The following RAD51B variants were observed in gnomAD, a reference collection of about 807,000 sequenced individuals.
RAD51B encodes DNA repair protein RAD51 homolog 2.
RAD51B carries 38 observed loss-of-function variants against 42.2 expected under a neutral mutation model. The observed-to-expected ratio is 0.90, with a 90% CI of 0.70 to 1.18. RAD51B has a LOEUF of 1.18. Ranked by LOEUF, RAD51B falls within the 50% of genes most tolerant of loss-of-function variation. The pLI is 0.00. For synonymous variants in RAD51B, 154 were observed against 145.2 expected (o/e 1.06, Z -0.43); for missense variants, 373 against 400.7 (o/e 0.93, Z 0.59).
At chr14:67,926,860 C>T (rs942625956) in intron 7 of RAD51B, among the ~76,000 whole-genome samples, 9 of 152,068 alleles carry the variant, frequency 5.9e-5, no homozygotes, top group African/African-American at 9.7e-5. Flanking sequence ...CCACGCCTGG[C>T]GGAGATATGT....
At chr14:68,482,176 G>GGGGTGTGTGT (rs148913511), downstream of RAD51B, among the ~76,000 whole-genome samples, 61 of 149,912 alleles carry the variant, frequency 4.1e-4, no homozygotes, top group African/African-American at 5.2e-4. Flanking sequence ...ATATTTTAGG[G>GGGGTGTGTGT]GTGTGTGTGT....
At chr14:68,183,095 G>T (rs2079085799) in intron 7 of RAD51B, among the ~76,000 whole-genome samples, 1 of 152,174 alleles carries the variant, frequency 6.6e-6, no homozygotes, top group Admixed American at 6.5e-5. Context: ...TAACAGGATA[G>T]ATGAATATAT....
At chr14:68,650,754 C>A in intron 10 of RAD51B, 1 of 745,892 alleles carries the variant, frequency 1.3e-6, no homozygotes, top group South Asian at 1.4e-5. Flanking sequence ...AGGTTCCTTA[C>A]AACCTATTTA....
intron 7 of RAD51B, among the ~76,000 whole-genome samples, chr14:68,266,523 G>A (rs974013823): frequency 1.3e-5 from 2 of 152,260 alleles, no homozygotes; most frequent in African/African-American, 4.8e-5. Flanking sequence ...GAGAAGGTCA[G>A]AGAGTGACCT....
At chr14:68,403,210 CAGG>C (rs1171663967) in intron 8 of RAD51B, among the ~76,000 whole-genome samples, 1 of 152,138 alleles carries the variant, frequency 6.6e-6, no homozygotes, top group East Asian at 1.9e-4. Flanking sequence ...CTTTCATCTG[CAGG>C]GACTGGAGGG....
At position 68,324,027 on chromosome 14, in the gene RAD51B, G is replaced by T. The variant is rs146071532; in HGVS notation, c.853+32047G>T. Among the ~76,000 whole-genome samples the T allele has an allele frequency of 3.1e-3, 466 of 152,298 alleles. 2 individuals carry two copies. The highest frequency in any genetic ancestry group is 0.011 in the African/African-American group (437 of 41,560). On this transcript the variant is annotated intron_variant, in intron 8 of 10. Coordinates refer to ENST00000471583, the MANE Select transcript of RAD51B (RefSeq NM_133510.4). ...AGTAGGAAAGAAGCTGAGAATAAAA[G>T]CTAAGACAGGTACCTCCAATCTCTA...
At chr14:68,607,492 C>T (rs1040499706) in intron 10 of RAD51B, among the ~76,000 whole-genome samples, 6 of 152,212 alleles carry the variant, frequency 3.9e-5, no homozygotes. Context: ...AGACCCCTCC[C>T]TTGCCAGCCC....
At chr14:68,201,195 C>A (rs188870658) in intron 7 of RAD51B, among the ~76,000 whole-genome samples, 1 of 151,922 alleles carries the variant, frequency 6.6e-6, no homozygotes, top group Non-Finnish European at 1.5e-5. Flanking sequence ...ACTTTAAAAG[C>A]GTGTATGTAA....
intron 7 of RAD51B, among the ~76,000 whole-genome samples, chr14:68,229,060 G>T (rs879853069): frequency 1.3e-5 from 2 of 152,132 alleles, no homozygotes; most frequent in Non-Finnish European, 2.9e-5. Context: ...TTCAGTATTC[G>T]TGGAACAGCT....
At chr14:68,482,221 A>C (rs1283980289), downstream of RAD51B, among the ~76,000 whole-genome samples, 1 of 136,926 alleles carries the variant, frequency 7.3e-6, no homozygotes, top group Non-Finnish European at 1.6e-5. Context: ...ATCAAAGTTC[A>C]ACTTTGTCTC....
At chr14:68,222,990 C>T (rs146194258) in intron 7 of RAD51B, among the ~76,000 whole-genome samples, 2 of 152,284 alleles carry the variant, frequency 1.3e-5, no homozygotes, top group East Asian at 3.9e-4. Context: ...AGCTCCAGCC[C>T]CACGTGTCCA....
At chr14:68,205,977 T>G (rs759817922) in intron 7 of RAD51B, among the ~76,000 whole-genome samples, 1 of 152,194 alleles carries the variant, frequency 6.6e-6, no homozygotes, top group African/African-American at 2.4e-5. Flanking sequence ...TACAATAGTG[T>G]TGTTTATAGC....
chr14:68,185,105 T>A (rs552128790), intron 7 of RAD51B, among the ~76,000 whole-genome samples: 2 of 152,266 alleles, frequency 1.3e-5, no homozygotes, highest in South Asian at 4.1e-4. Context: ...CCTTTTGTAT[T>A]TACTACTTCA....
intron 9 of RAD51B, among the ~76,000 whole-genome samples, chr14:68,431,494 C>A (rs1015397967): frequency 6.6e-6 from 1 of 152,116 alleles, no homozygotes; most frequent in Non-Finnish European, 1.5e-5. Flanking sequence ...GTGTATGTGT[C>A]CAGAAATTCA....
At chr14:68,629,183 C>G (rs1892167293) in intron 10 of RAD51B, among the ~76,000 whole-genome samples, 1 of 152,132 alleles carries the variant, frequency 6.6e-6, no homozygotes, top group Admixed American at 6.5e-5. Context: ...GGACATTGTT[C>G]AAACAAAAGT....
chr14:68,678,588 G>A (rs753285601), intron 11 of RAD51B, among the ~76,000 whole-genome samples: 7 of 152,166 alleles, frequency 4.6e-5, no homozygotes, highest in Non-Finnish European at 1.0e-4. Context: ...TGGGAAGTAG[G>A]GGGGTGGCTG....
chr14:68,669,973 G>A (rs1194011041), intron 11 of RAD51B, among the ~76,000 whole-genome samples: 2 of 152,188 alleles, frequency 1.3e-5, no homozygotes, highest in East Asian at 1.9e-4. Context: ...CTGGTGGGGG[G>A]CTCAGATTAA....
chr14:67,944,673 A>G (rs1388166229), intron 7 of RAD51B, among the ~76,000 whole-genome samples: 1 of 152,196 alleles, frequency 6.6e-6, no homozygotes, highest in Non-Finnish European at 1.5e-5. Flanking sequence ...TAAATAAACT[A>G]TATCAGAGAT....
intron 7 of RAD51B, among the ~76,000 whole-genome samples, chr14:68,124,034 G>A (rs2077705926): frequency 1.3e-5 from 2 of 152,148 alleles, no homozygotes. Context: ...AGAGACCTAG[G>A]ATGTGCTATT....
Sources: gnomAD v4.1 joint callset for allele counts (sites outside exome capture counted in the v4.1 genomes callset) on GRCh38, gnomAD v4.1.1 for gene constraint, MANE v1.5 for transcripts, NCBI Gene and HGNC (gene_info 2026-07-23, HGNC 2026-07-21) for gene names.